The following INPP4B variants were observed in gnomAD, a reference collection of about 807,000 sequenced individuals.
INPP4B encodes the protein inositol polyphosphate 4-phosphatase type II.
A neutral mutation model predicts 122.5 loss-of-function variants in INPP4B; 55 were observed. The ratio of observed to expected loss-of-function variants is 0.45; its 90% confidence interval spans 0.36 to 0.56. INPP4B has a LOEUF of 0.56. INPP4B is among the 20% of genes least tolerant of loss of function. The probability of loss-of-function intolerance (pLI) is 0.00; values close to 1 mark genes in which losing one functional copy is unlikely to be tolerated. For synonymous variants in INPP4B, 403 were observed against 388.7 expected, an observed-to-expected ratio of 1.04 and a Z score of -0.43; for missense variants, 1,000 against 1,097.7, an observed-to-expected ratio of 0.91 and a Z score of 1.26.
At chr4:142,808,459 CTTTA>C in intron 1 of INPP4B, among the ~76,000 whole-genome samples, 1 of 152,258 alleles carries the variant, frequency 6.6e-6, no homozygotes, top group East Asian at 1.9e-4. Context: ...AACACACAAC[CTTTA>C]TTTAGAGACT....
intron 23 of INPP4B, among the ~76,000 whole-genome samples, chr4:142,098,474 T>G (rs1783027711): frequency 6.6e-6 from 1 of 152,022 alleles, no homozygotes; most frequent in Admixed American, 6.6e-5. Flanking sequence ...ATGGACTAAA[T>G]GAGAAGTGAC....
At chr4:142,545,814 C>T (rs11734459) in intron 2 of INPP4B, among the ~76,000 whole-genome samples, 93,645 of 115,450 alleles carry the variant, frequency 0.81, 37,743 homozygotes, top group Non-Finnish European at 0.85. Flanking sequence ...TACACATATA[C>T]ATGTGTGTAT....
At chr4:142,677,053 G>A (rs1019044382) in intron 2 of INPP4B, among the ~76,000 whole-genome samples, 1 of 152,052 alleles carries the variant, frequency 6.6e-6, no homozygotes, top group Non-Finnish European at 1.5e-5. Flanking sequence ...GAGTGAACAT[G>A]CAATCTACAG....
intron 5 of INPP4B, among the ~76,000 whole-genome samples, chr4:142,418,562 G>T (rs181213129): frequency 5.3e-5 from 8 of 151,994 alleles, no homozygotes; most frequent in African/African-American, 1.5e-4. Flanking sequence ...GGTAGATCAG[G>T]CAAATGTTCT....
At chr4:142,470,182 A>T (rs1209014903) in intron 2 of INPP4B, among the ~76,000 whole-genome samples, 1 of 148,888 alleles carries the variant, frequency 6.7e-6, no homozygotes, top group Non-Finnish European at 1.5e-5. Context: ...TCCCTAGTTT[A>T]AAAAAAAATA....
intron 2 of INPP4B, among the ~76,000 whole-genome samples, chr4:142,519,838 T>C (rs1825864167): frequency 6.6e-6 from 1 of 152,132 alleles, no homozygotes. Context: ...TATATCACTA[T>C]ATTTCCAAGA....
At chr4:142,671,653 A>C (rs1757018482) in intron 2 of INPP4B, among the ~76,000 whole-genome samples, 1 of 152,140 alleles carries the variant, frequency 6.6e-6, no homozygotes, top group Non-Finnish European at 1.5e-5. Context: ...AAATTTGTGC[A>C]TATCGCCCTC....
At chr4:142,792,564 G>T (rs1159832262) in intron 1 of INPP4B, among the ~76,000 whole-genome samples, 1 of 151,902 alleles carries the variant, frequency 6.6e-6, no homozygotes, top group Admixed American at 6.6e-5. Flanking sequence ...TATGGAAACT[G>T]CTCTAAGGTG....
At chr4:142,681,914 T>C (rs1296461888) in intron 2 of INPP4B, among the ~76,000 whole-genome samples, 1 of 151,898 alleles carries the variant, frequency 6.6e-6, no homozygotes, top group African/African-American at 2.4e-5. Flanking sequence ...TTTCATTATG[T>C]ATACTTACCT....
intron 23 of INPP4B, among the ~76,000 whole-genome samples, chr4:142,106,122 A>G (rs1786973002): frequency 1.3e-5 from 2 of 152,238 alleles, no homozygotes; most frequent in African/African-American, 4.8e-5. Context: ...GAAACAAAAT[A>G]TCAGAAAACA....
At chr4:142,254,154 G>C (rs1038625501) in intron 11 of INPP4B, among the ~76,000 whole-genome samples, 1 of 152,120 alleles carries the variant, frequency 6.6e-6, no homozygotes, top group Non-Finnish European at 1.5e-5. Context: ...CTGTCTGTTA[G>C]AAGGAAAACT....
chr4:142,725,936 A>T (rs553820468), intron 1 of INPP4B, 35 bp from the exon 2 acceptor site: 80 of 397,756 alleles, frequency 2.0e-4, no homozygotes, highest in Admixed American at 7.5e-4. Flanking sequence ...AATAAAAACA[A>T]CCTTTCTTTT....
At chr4:142,122,786 T>C (rs1797099529) in intron 20 of INPP4B, among the ~76,000 whole-genome samples, 1 of 152,142 alleles carries the variant, frequency 6.6e-6, no homozygotes, top group Non-Finnish European at 1.5e-5. Context: ...TTTAATAATA[T>C]ATTTTACTTA....
chr4:142,762,482 A>G (rs1771492407), intron 1 of INPP4B, among the ~76,000 whole-genome samples: 1 of 152,158 alleles, frequency 6.6e-6, no homozygotes, highest in Admixed American at 6.6e-5. Flanking sequence ...GTCCTGAGTG[A>G]CACTGCCTCT....
chr4:142,478,875 AC>A (rs1232757400), intron 2 of INPP4B, among the ~76,000 whole-genome samples: 1 of 152,150 alleles, frequency 6.6e-6, no homozygotes, highest in Non-Finnish European at 1.5e-5. Context: ...TAAATGTAAA[AC>A]CTAAAACTAT....
chr4:142,718,039 T>G (rs917745742), intron 2 of INPP4B, among the ~76,000 whole-genome samples: 2 of 150,384 alleles, frequency 1.3e-5, no homozygotes, highest in Non-Finnish European at 3.0e-5. Context: ...GCCAGCAGGG[T>G]AGAAATAAGT....
intron 23 of INPP4B, among the ~76,000 whole-genome samples, chr4:142,089,225 C>T (rs966592641): frequency 2.0e-5 from 3 of 152,092 alleles, no homozygotes; most frequent in African/African-American, 7.2e-5. Context: ...GGGCTTAACC[C>T]CTTCTGGAAA....
intron 24 of INPP4B, among the ~76,000 whole-genome samples, chr4:142,084,613 G>A (rs975559381): frequency 1.3e-5 from 2 of 152,106 alleles, no homozygotes; most frequent in East Asian, 1.9e-4. Context: ...TATTGAAACT[G>A]AGGCATTAGC....
In INPP4B at chr4:142,166,694, GA is replaced by G. The variant is rs71461228; in HGVS notation, c.1360-6134del. The stretch of plus-strand genomic sequence containing the variant: ...ACAAGGAACTTAAACAAATTTACAA[GA>G]AAAAAAAAACAACCACATTAAAAGT... On this transcript the variant is annotated intron_variant, in intron 16 of 25. Coordinates refer to ENST00000262992, the MANE Select transcript of INPP4B (RefSeq NM_001101669.3). Among the ~76,000 whole-genome samples the G allele has an allele frequency of 5.0e-3, 728 of 144,212 alleles. 6 individuals carry two copies. The highest frequency in any genetic ancestry group is 0.017 in the African/African-American group (680 of 39,504). 94.6% of individuals were successfully genotyped at this position (144,212 alleles called of 152,430 possible). A position where few individuals can be genotyped will look rare whatever the true frequency, so the allele number is the denominator to read the frequency against.
Sources: allele counts gnomAD v4.1 joint callset (sites outside exome capture counted in the v4.1 genomes callset), GRCh38; gene constraint gnomAD v4.1.1; transcripts MANE v1.5; gene names NCBI Gene and HGNC (gene_info 2026-07-23, HGNC 2026-07-21).